Variants in MAP3K15 observed in about 807,000 individuals in gnomAD.
The protein encoded by MAP3K15 is mitogen-activated protein kinase kinase kinase 15, also known as MAPK/ERK kinase kinase 15.
MAP3K15 carries 124 observed loss-of-function variants against 99.5 expected under a neutral mutation model. The observed-to-expected ratio is 1.25, with a 90% CI of 1.08 to 1.45. The LOEUF (loss-of-function observed/expected upper bound fraction) is 1.45. MAP3K15 is among the 40% of genes most tolerant of loss of function. The pLI is 0.00. For missense variants in MAP3K15, 1,242 were observed against 1,079.7 expected, an observed-to-expected ratio of 1.15 and a Z score of -2.11; for synonymous variants, 494 against 439.6, an observed-to-expected ratio of 1.12 and a Z score of -1.55.
chrX:19,416,980 G>C (rs1184697677), intron 9 of MAP3K15, among the ~76,000 whole-genome samples: 1 of 112,273 alleles, frequency 8.9e-6, no homozygotes, highest in African/African-American at 3.2e-5. Flanking sequence ...GAAGTGCTAA[G>C]AACCAATACA....
intron 21 of MAP3K15, chrX:19,373,104 A>G (rs1602249734): frequency 2.3e-5 from 3 of 128,286 alleles, no homozygotes; most frequent in African/African-American, 5.8e-5. Flanking sequence ...ACAGAAGGAG[A>G]GGTGAGGGAG....
intron 3 of MAP3K15, among the ~76,000 whole-genome samples, chrX:19,471,931 A>G (rs146988790): frequency 0.014 from 1,581 of 112,010 alleles, 80 homozygotes; most frequent in East Asian, 0.12. Context: ...TCTTACAAAA[A>G]TACTAAAGGG....
rs769632326 is a variant in MAP3K15, at chrX:19,456,913, C to G, written c.995G>C (p.Arg332Thr). 1.7e-6 allele frequency: 2 copies of G among 1,173,451 alleles called. No individual in the cohort carries two copies. Among genetic ancestry groups the G allele is most frequent in the South Asian group, 3.6e-5 (2 of 55,644 alleles). ...IKFHYAFALN[R>T]RNSTGDREKA... ...CCTGTACGTACATTATCGTTCTTACCTATTCAGTGCAAACGCATAGTGGAA... is the reference window on the plus strand; with the variant it reads ...CCTGTACGTACATTATCGTTCTTACGTATTCAGTGCAAACGCATAGTGGAA... Residue 332 changes from arginine to threonine, a missense_variant and splice_region_variant, in exon 6 of 29, where the codon AGG becomes ACG. Coordinates refer to ENST00000338883, the MANE Select transcript of MAP3K15 (RefSeq NM_001001671.4).
At chrX:19,375,806 G>A (rs1274628806) in intron 19 of MAP3K15, among the ~76,000 whole-genome samples, 1 of 112,317 alleles carries the variant, frequency 8.9e-6, no homozygotes, top group African/African-American at 3.2e-5. Context: ...TGGCAGTCAC[G>A]GCCATGTGCT....
At position 19,451,072 on chromosome X, in the gene MAP3K15, G is replaced by A. The variant is rs1379927301; in HGVS notation, c.995+5841C>T. Among the ~76,000 whole-genome samples, 5 of 108,579 alleles carry A rather than the reference G, an allele frequency of 4.6e-5. No homozygotes were observed. The East Asian group carries it at 1.1e-3, about 24-fold the overall frequency. The allele number at this position is 108,579 out of a possible 115,157, so 94.3% of individuals were successfully genotyped here. A position where few individuals can be genotyped will look rare whatever the true frequency, so the allele number is the denominator to read the frequency against. ...AAGCCGAGGCAGGTGGATTACTTGAGGTCAGGAGTTCGAGACCAGCCTTGC... is the reference window on the plus strand; with the variant it reads ...AAGCCGAGGCAGGTGGATTACTTGAAGTCAGGAGTTCGAGACCAGCCTTGC... On this transcript the variant is annotated intron_variant, in intron 6 of 28. Coordinates refer to ENST00000338883, the MANE Select transcript of MAP3K15 (RefSeq NM_001001671.4).
At chrX:19,420,508 A>T (rs750344372) in intron 9 of MAP3K15, among the ~76,000 whole-genome samples, 2 of 111,736 alleles carry the variant, frequency 1.8e-5, no homozygotes, top group South Asian at 3.8e-4. Context: ...ATCTCTGAAT[A>T]GACCAATAAC....
At chrX:19,502,683 T>C (rs2064448328) in intron 1 of MAP3K15, among the ~76,000 whole-genome samples, 2 of 111,060 alleles carry the variant, frequency 1.8e-5, no homozygotes, top group African/African-American at 6.5e-5. Context: ...AGCCAGACAT[T>C]GGTGGCTCAT....
chrX:19,454,839 T>C (rs758808711), intron 6 of MAP3K15, among the ~76,000 whole-genome samples: 51 of 112,212 alleles, frequency 4.5e-4, no homozygotes, highest in African/African-American at 1.4e-3. Flanking sequence ...GTTTACATTA[T>C]ACTTACGAGT....
At chrX:19,501,285 G>A (rs1392443942) in intron 1 of MAP3K15, among the ~76,000 whole-genome samples, 1 of 111,750 alleles carries the variant, frequency 8.9e-6, no homozygotes, top group African/African-American at 3.3e-5. Context: ...AGTAAAAATC[G>A]TACTTATATT....
At chrX:19,509,994 G>A (rs1377639166) in intron 1 of MAP3K15, among the ~76,000 whole-genome samples, 1 of 111,772 alleles carries the variant, frequency 8.9e-6, no homozygotes, top group Non-Finnish European at 1.9e-5. Flanking sequence ...AGAAAATCTA[G>A]AAGAAATGGA....
At chrX:19,467,713 AAC>A (rs2064178253) in intron 3 of MAP3K15, among the ~76,000 whole-genome samples, 4 of 12,613 alleles carry the variant, frequency 3.2e-4, no homozygotes, top group Admixed American at 1.6e-3. Flanking sequence ...GTTGCAGTGA[AAC>A]CTACGTGGGA....
chrX:19,422,362 T>C (rs1442051365), intron 9 of MAP3K15, among the ~76,000 whole-genome samples: 2 of 111,252 alleles, frequency 1.8e-5, no homozygotes, highest in African/African-American at 3.3e-5. Flanking sequence ...CATCAAAAAG[T>C]GGGCAAAGAA....
At chrX:19,506,920 CAG>C (rs2064481352) in intron 1 of MAP3K15, among the ~76,000 whole-genome samples, 1 of 112,061 alleles carries the variant, frequency 8.9e-6, no homozygotes, top group African/African-American at 3.2e-5. Context: ...GTGCACGTAA[CAG>C]AAGGAAAAAA....
At chrX:19,393,542 G>A (rs1326245207) in intron 16 of MAP3K15, among the ~76,000 whole-genome samples, 1 of 109,755 alleles carries the variant, frequency 9.1e-6, no homozygotes, top group Non-Finnish European at 1.9e-5. Flanking sequence ...GAGGCAGAGA[G>A]AATTGCTTGA....
intron 13 of MAP3K15, 88 bp from the exon 14 acceptor site, chrX:19,400,751 A>C: frequency 1.7e-6 from 1 of 583,602 alleles, no homozygotes; most frequent in Non-Finnish European, 2.7e-6. Flanking sequence ...ACTGTACTTA[A>C]ATATAAACCA....
intron 7 of MAP3K15, among the ~76,000 whole-genome samples, chrX:19,428,568 A>G (rs1178896626): frequency 8.9e-6 from 1 of 112,559 alleles, no homozygotes; most frequent in Admixed American, 9.4e-5. Flanking sequence ...TGACAATGTA[A>G]GCAAGAATAT....
rs780063008 is a variant in MAP3K15, at chrX:19,380,139, G to T, written c.2570C>A (p.Pro857Gln). Residue 857 changes from proline to glutamine, a missense_variant, in exon 19 of 29, where the codon CCG (proline) becomes CAG (glutamine). Transcript: ENST00000338883. Reference sequence around the variant, plus strand: ...ACTTACTTTGAACATGGCTGCCTGCGGCTCACCAAGCTCATGGAACGGAGG... The same window carrying T: ...ACTTACTTTGAACATGGCTGCCTGCTGCTCACCAAGCTCATGGAACGGAGG... ...SKPPFHELGE[P>Q]QAAMFKVGMF... 3.0e-5 allele frequency: 36 copies of T among 1,192,107 alleles called. No homozygotes were observed. The highest frequency in any genetic ancestry group is 3.9e-5 in the Non-Finnish European group (35 of 887,826).
intron 6 of MAP3K15, among the ~76,000 whole-genome samples, chrX:19,449,093 T>C (rs1202511704): frequency 9.1e-6 from 1 of 109,703 alleles, no homozygotes; most frequent in Non-Finnish European, 1.9e-5. Context: ...GCAGTTTTTC[T>C]TGTCTACTTT....
chrX:19,366,006 CAAAAAAAAA>C (rs1172350617), intron 25 of MAP3K15, among the ~76,000 whole-genome samples: 1 of 20,118 alleles, frequency 5.0e-5, no homozygotes, highest in Admixed American at 6.5e-4. Context: ...GCCTCCATCT[CAAAAAAAAA>C]AAAAAAAAAA....
Sources: allele counts gnomAD v4.1 joint callset (sites outside exome capture counted in the v4.1 genomes callset), GRCh38; gene constraint gnomAD v4.1.1; transcripts MANE v1.5; gene names NCBI Gene and HGNC (gene_info 2026-07-23, HGNC 2026-07-21).